The following RHBDL3 variants were observed in gnomAD, a reference collection of about 807,000 sequenced individuals.
RHBDL3 encodes rhomboid-related protein 3.
In RHBDL3, 28 loss-of-function variants were observed where a neutral mutation model predicts 48.2. That is an observed-to-expected ratio of 0.58 (90% CI 0.43 to 0.80). The LOEUF (loss-of-function observed/expected upper bound fraction) is 0.80, where lower values mean the gene tolerates loss of function less well. Ranked by LOEUF, RHBDL3 falls within the 30% of genes least tolerant of loss-of-function variation. The pLI, the probability that RHBDL3 is intolerant of heterozygous loss-of-function variation, is 0.00. For missense variants in RHBDL3, 464 were observed against 542.7 expected (o/e 0.85, Z 1.44); for synonymous variants, 208 against 232.3 (o/e 0.90, Z 0.95).
chr17:32,321,476 G>A lies in RHBDL3; in HGVS notation c.*247G>A, dbSNP rs1485169230. The A allele has an allele frequency of 9.1e-7, 1 of 1,093,246 alleles. No individual in the cohort carries two copies. Among genetic ancestry groups the A allele is most frequent in the African/African-American group, 1.6e-5 (1 of 63,812 alleles). 67.7% of individuals were successfully genotyped at this position (1,093,246 alleles called of 1,614,324 possible). On this transcript the variant is annotated 3_prime_UTR_variant, in exon 9 of 9. Transcript: ENST00000269051. ...TGCTCTGATGACATCGGGCCAGGGTGAAGGTCTGGGGTGGGGTGTGAGAGT... is the reference window on the plus strand; with the variant it reads ...TGCTCTGATGACATCGGGCCAGGGTAAAGGTCTGGGGTGGGGTGTGAGAGT...
intron 8 of RHBDL3, 116 bp from the exon 9 acceptor site, chr17:32,320,842 C>T: frequency 1.4e-6 from 1 of 717,588 alleles, no homozygotes. Context: ...GTCCCCAGTG[C>T]AGAGAATGGT....
intron 2 of RHBDL3, among the ~76,000 whole-genome samples, chr17:32,283,603 T>G (rs141966136): frequency 0.031 from 4,658 of 152,164 alleles, 69 homozygotes; most frequent in Non-Finnish European, 0.031. Flanking sequence ...GATTACAGGC[T>G]TGAGCCACTG....
intron 2 of RHBDL3, chr17:32,281,007 T>C (rs1597624724): frequency 6.6e-6 from 1 of 152,636 alleles, no homozygotes; most frequent in Admixed American, 6.5e-5. Context: ...TGCCTCTCCC[T>C]CCCCCTGCCC....
rs897545662 is a variant in RHBDL3 at position 32,322,785 on chromosome 17, C to G, written c.*1556C>G. 2 of 152,264 alleles carry G rather than the reference C, an allele frequency of 1.3e-5. No homozygotes were observed. The highest frequency in any genetic ancestry group is 6.5e-5 in the Admixed American group (1 of 15,272). 9.4% of individuals were successfully genotyped at this position (152,264 alleles called of 1,614,324 possible). A position where few individuals can be genotyped will look rare whatever the true frequency, so the allele number is the denominator to read the frequency against. On this transcript the variant is annotated 3_prime_UTR_variant, in exon 9 of 9. Transcript: ENST00000269051. Reference sequence around the variant, plus strand: ...TCCTAACAGGAGCTGGTGCAGGCCCCGAATGGAGGGCATGAGGATGACCTT... The same window carrying G: ...TCCTAACAGGAGCTGGTGCAGGCCCGGAATGGAGGGCATGAGGATGACCTT...
intron 6 of RHBDL3, among the ~76,000 whole-genome samples, chr17:32,300,915 G>A (rs1482289858): frequency 1.3e-5 from 2 of 149,788 alleles, no homozygotes; most frequent in African/African-American, 2.5e-5. Context: ...GAGTCTCACT[G>A]TGTCACCCAG....
At chr17:32,281,579 G>C (rs1220744753) in intron 2 of RHBDL3, among the ~76,000 whole-genome samples, 1 of 152,172 alleles carries the variant, frequency 6.6e-6, no homozygotes, top group Non-Finnish European at 1.5e-5. Flanking sequence ...AGGAGGGCCA[G>C]GCTAGTGAGA....
intron 7 of RHBDL3, among the ~76,000 whole-genome samples, chr17:32,306,929 G>A (rs1020530911): frequency 9.2e-5 from 14 of 151,970 alleles, no homozygotes; most frequent in Non-Finnish European, 1.0e-4. Context: ...TCAATTTAAA[G>A]AAAAGAAAAG....
intron 2 of RHBDL3, among the ~76,000 whole-genome samples, chr17:32,273,200 C>G (rs989412850): frequency 6.6e-6 from 1 of 152,190 alleles, no homozygotes; most frequent in Non-Finnish European, 1.5e-5. Flanking sequence ...TGGGGTTTCA[C>G]CACTTTGGCC....
chr17:32,266,107 GC>G lies in RHBDL3; in HGVS notation c.-82del. The G allele has an allele frequency of 5.9e-6, 2 of 340,434 alleles. No homozygotes were observed. Among genetic ancestry groups the G allele is most frequent in the Non-Finnish European group, 8.4e-6 (2 of 237,846 alleles). The allele number at this position is 340,434 out of a possible 1,614,324, so 21.1% of individuals were successfully genotyped here. A position where few individuals can be genotyped will look rare whatever the true frequency, so the allele number is the denominator to read the frequency against. ...CGGCGCGCACTGAGCCCCTGGAGCG[GC>G]GCGGCCGCCGCGGCGCAAAGTTAGC... On this transcript the variant is annotated 5_prime_UTR_variant, in exon 1 of 9. An upstream open reading frame in the 5' UTR loses its in-frame stop. Coordinates refer to ENST00000269051, the MANE Select transcript of RHBDL3 (RefSeq NM_138328.3).
At position 32,321,167 on chromosome 17, in the gene RHBDL3, G is replaced by T. The variant is rs748674946; in HGVS notation, c.1153G>T (p.Ala385Ser). The T allele has an allele frequency of 6.8e-6, 11 of 1,614,010 alleles. No individual in the cohort carries two copies. Among genetic ancestry groups the T allele is most frequent in the African/African-American group, 1.3e-5 (1 of 74,932 alleles). The change falls in exon 9 of 9, where the codon GCT (alanine) becomes TCT (serine). Residue 385 changes from alanine to serine, a missense_variant. Coordinates refer to ENST00000269051, the MANE Select transcript of RHBDL3 (RefSeq NM_138328.3). The part of the protein sequence containing the change: ...VAMYTVFVLF[A>S]VFWNIFAYTL... ...CATGTACACCGTCTTCGTGCTGTTC[G>T]CTGTCTTCTGGAACATCTTTGCCTA...
In RHBDL3 at chr17:32,298,228, A is replaced by G. The variant is rs1011177245; in HGVS notation, c.781+24A>G. On this transcript the variant is annotated intron_variant, in intron 6 of 8. Transcript: ENST00000269051. Reference sequence around the variant, plus strand: ...AGGTAGGCAGGTAGGCCCCGTGTCCACAAAGGCACACTGCCCCAGGGTGGG... The same window carrying G: ...AGGTAGGCAGGTAGGCCCCGTGTCCGCAAAGGCACACTGCCCCAGGGTGGG... 3 of 1,489,246 alleles carry G rather than the reference A, an allele frequency of 2.0e-6. No homozygotes were observed. In the Admixed American group the frequency reaches 5.0e-5, roughly 25 times the overall value. 92.3% of individuals were successfully genotyped at this position (1,489,246 alleles called of 1,614,324 possible). A position where few individuals can be genotyped will look rare whatever the true frequency, so the allele number is the denominator to read the frequency against.
At chr17:32,289,228 T>C (rs887582599) in intron 4 of RHBDL3, among the ~76,000 whole-genome samples, 35 of 152,162 alleles carry the variant, frequency 2.3e-4, no homozygotes, top group Admixed American at 1.3e-3. Flanking sequence ...CAAAGAGATA[T>C]TCCAAAGATT....
At chr17:32,297,377 G>A (rs1156619803) in intron 5 of RHBDL3, among the ~76,000 whole-genome samples, 2 of 152,122 alleles carry the variant, frequency 1.3e-5, no homozygotes, top group Non-Finnish European at 1.5e-5. Flanking sequence ...CAGGAGAATC[G>A]CTTGAACCCA....
At chr17:32,317,672 T>G (rs2041008474) in intron 8 of RHBDL3, among the ~76,000 whole-genome samples, 1 of 152,150 alleles carries the variant, frequency 6.6e-6, no homozygotes, top group African/African-American at 2.4e-5. Flanking sequence ...GTTAGTGAAA[T>G]AGTATGAGTC....
chr17:32,274,649 G>A (rs2039851562), intron 2 of RHBDL3, among the ~76,000 whole-genome samples: 1 of 152,138 alleles, frequency 6.6e-6, no homozygotes, highest in South Asian at 2.1e-4. Flanking sequence ...AGGATGGTTT[G>A]CTTGAGGCCA....
chr17:32,323,138 C>A lies in RHBDL3; in HGVS notation c.*1909C>A, dbSNP rs1048839238. Reference sequence around the variant, plus strand: ...TCTTGGCCCACTGCTAAATAGATTGCCCTGGCCTCATCCACATATGTAGTT... The same window carrying A: ...TCTTGGCCCACTGCTAAATAGATTGACCTGGCCTCATCCACATATGTAGTT... On this transcript the variant is annotated 3_prime_UTR_variant, in exon 9 of 9. Coordinates refer to ENST00000269051, the MANE Select transcript of RHBDL3 (RefSeq NM_138328.3). The A allele has an allele frequency of 6.6e-6, 1 of 152,416 alleles. No homozygotes were observed. 9.4% of individuals were successfully genotyped at this position (152,416 alleles called of 1,614,324 possible).
At chr17:32,320,492 G>A (rs1182193078) in intron 8 of RHBDL3, among the ~76,000 whole-genome samples, 1 of 152,054 alleles carries the variant, frequency 6.6e-6, no homozygotes, top group African/African-American at 2.4e-5. Context: ...CCCAGCTAAT[G>A]TTTGTATTTT....
intron 5 of RHBDL3, among the ~76,000 whole-genome samples, chr17:32,297,628 T>G (rs2040482587): frequency 1.4e-5 from 2 of 147,286 alleles, no homozygotes; most frequent in South Asian, 4.3e-4. Flanking sequence ...GTTTTTCACA[T>G]GTTAACTGAT....
At chr17:32,274,670 A>G (rs142859361) in intron 2 of RHBDL3, among the ~76,000 whole-genome samples, 4 of 152,232 alleles carry the variant, frequency 2.6e-5, no homozygotes, top group Non-Finnish European at 2.9e-5. Context: ...GGAGTTCAAG[A>G]CCAGCCTGGT....
Sources: allele counts gnomAD v4.1 joint callset (sites outside exome capture counted in the v4.1 genomes callset), GRCh38; gene constraint gnomAD v4.1.1; transcripts MANE v1.5; gene names NCBI Gene and HGNC (gene_info 2026-07-23, HGNC 2026-07-21).